SSH2: variants seen among roughly 807,000 people sequenced by gnomAD.
SSH2 encodes the protein protein phosphatase Slingshot homolog 2.
A neutral mutation model predicts 135.2 loss-of-function variants in SSH2; 37 were observed. That is an observed-to-expected ratio of 0.27 (90% CI 0.21 to 0.36). The LOEUF is 0.36. Ranked by LOEUF, SSH2 falls within the 10% of genes least tolerant of loss-of-function variation. The probability of loss-of-function intolerance (pLI) is 1.00; values close to 1 mark genes in which losing one functional copy is unlikely to be tolerated. For synonymous variants in SSH2, 628 were observed against 646.2 expected, an observed-to-expected ratio of 0.97 and a Z score of 0.43; for missense variants, 1,408 against 1,765.3, an observed-to-expected ratio of 0.80 and a Z score of 3.63.
chr17:29,921,975 G>A (rs1440606109), intron 1 of SSH2, among the ~76,000 whole-genome samples: 1 of 152,170 alleles, frequency 6.6e-6, no homozygotes. Flanking sequence ...GCCACCATGG[G>A]TAAGTATAGG....
In SSH2 at chr17:29,631,713, G is replaced by A. The variant is rs892449259; in HGVS notation, c.3481C>T (p.Pro1161Ser). The A allele has an allele frequency of 1.2e-6, 2 of 1,614,188 alleles. No individual in the cohort carries two copies. The highest frequency in any genetic ancestry group is 1.7e-6 in the Non-Finnish European group (2 of 1,180,042). The change falls in exon 16 of 16, where the codon CCC becomes TCC. Residue 1161 changes from proline (P) to serine (S), a missense_variant. Coordinates refer to ENST00000540801, the MANE Select transcript of SSH2 (RefSeq NM_001282129.2). ...LLSASLDYLH[P>S]QTMVHLEGFT... ...CCCTCCAGGTGAACCATAGTCTGGG[G>A]ATGCAGGTAATCCAAACTGGCAGAC...
intron 3 of SSH2, among the ~76,000 whole-genome samples, chr17:29,788,562 T>C (rs2042009011): frequency 6.6e-6 from 1 of 152,028 alleles, no homozygotes; most frequent in African/African-American, 2.4e-5. Context: ...ATCAATTTCT[T>C]TCTTTTCTTT....
rs764841627 is a variant in SSH2, at chr17:29,636,744, G to C, written c.1486C>G (p.His496Asp). 1.2e-6 allele frequency: 2 copies of C among 1,614,064 alleles called. No individual in the cohort carries two copies. The change falls in exon 15 of 16, where the codon CAC becomes GAC. Residue 496 changes from histidine (H) to aspartate (D), a missense_variant. This residue lies in a region of SSH2 where 1,080 missense variants were observed against 1,144.5 expected (regional missense o/e 0.94). Coordinates refer to ENST00000540801, the MANE Select transcript of SSH2 (RefSeq NM_001282129.2). ...SHSDSDLSDHHEPICKPGLEL... is the reference protein window; with the variant it reads ...SHSDSDLSDHDEPICKPGLEL... ...AGCCCAGGTTTGCAGATGGGTTCGT[G>C]GTGGTCTGAGAGGTCACTATCTGAA... is the stretch of plus-strand genomic sequence containing the variant.
chr17:29,715,633 G>A (rs917980472), intron 3 of SSH2, among the ~76,000 whole-genome samples: 1 of 152,078 alleles, frequency 6.6e-6, no homozygotes, highest in Admixed American at 6.6e-5. Context: ...AAAATGGTAT[G>A]GTTATTTGAT....
chr17:29,750,258 C>A (rs570697469), intron 3 of SSH2, among the ~76,000 whole-genome samples: 13 of 150,666 alleles, frequency 8.6e-5, no homozygotes, highest in Non-Finnish European at 1.6e-4. Context: ...GCCAACATGG[C>A]GAAACCCCAT....
chr17:29,709,687 T>C (rs976804340), intron 3 of SSH2, among the ~76,000 whole-genome samples: 1 of 151,664 alleles, frequency 6.6e-6, no homozygotes, highest in African/African-American at 2.4e-5. Context: ...AAAAAAAAAA[T>C]GTAGAGTACA....
intron 3 of SSH2, among the ~76,000 whole-genome samples, chr17:29,719,751 C>CTT (rs1250844042): frequency 1.3e-5 from 2 of 152,140 alleles, no homozygotes; most frequent in African/African-American, 4.8e-5. Context: ...AAAATGTAGG[C>CTT]TTCTTTTCTT....
At chr17:29,702,788 C>T (rs1330802903) in intron 4 of SSH2, among the ~76,000 whole-genome samples, 171 bp downstream of exon 4, 7 of 152,048 alleles carry the variant, frequency 4.6e-5, no homozygotes, top group African/African-American at 9.7e-5. Context: ...AGGCTTTTTG[C>T]GAAGCGCTAA....
intron 2 of SSH2, among the ~76,000 whole-genome samples, chr17:29,847,184 T>C (rs1385225812): frequency 6.6e-6 from 1 of 152,166 alleles, no homozygotes; most frequent in African/African-American, 2.4e-5. Context: ...CAGTCTCCTA[T>C]GGGTATAACA....
chr17:29,738,681 G>A (rs1332129043), intron 3 of SSH2, among the ~76,000 whole-genome samples: 1 of 151,778 alleles, frequency 6.6e-6, no homozygotes, highest in Non-Finnish European at 1.5e-5. Flanking sequence ...AGCCTCCCAA[G>A]TAGCTGGGAC....
chr17:29,713,364 A>G (rs762967078), intron 3 of SSH2, among the ~76,000 whole-genome samples: 4 of 152,146 alleles, frequency 2.6e-5, no homozygotes, highest in Non-Finnish European at 5.9e-5. Flanking sequence ...AACCCCCCCA[A>G]AGAAAACGCC....
intron 11 of SSH2, among the ~76,000 whole-genome samples, chr17:29,658,867 C>CAAAAAAA (rs541052752): frequency 9.0e-5 from 3 of 33,408 alleles, no homozygotes; most frequent in Non-Finnish European, 1.3e-4. Context: ...AACTCCGTCT[C>CAAAAAAA]AAAAAAAAAA....
Position 29,930,213 on chromosome 17 carries a change from A to C in SSH2, c.-213T>G, listed in dbSNP as rs1032891475. 4 of 554,052 alleles carry C rather than the reference A, an allele frequency of 7.2e-6. No individual in the cohort carries two copies. The highest frequency in any genetic ancestry group is 1.3e-5 in the Non-Finnish European group (4 of 313,594). 34.3% of individuals were successfully genotyped at this position (554,052 alleles called of 1,614,324 possible). A position where few individuals can be genotyped will look rare whatever the true frequency, so the allele number is the denominator to read the frequency against. ...ACGGGCGGCGGGCGGGCGGTTCCGC[A>C]GCTGCGGGGCACAATGAGCGCTCCC... On this transcript the variant is annotated 5_prime_UTR_variant, in exon 1 of 16. Transcript: ENST00000540801.
intron 5 of SSH2, among the ~76,000 whole-genome samples, 189 bp from the exon 6 acceptor site, chr17:29,684,873 G>A (rs2038146023): frequency 6.6e-6 from 1 of 152,204 alleles, no homozygotes; most frequent in Non-Finnish European, 1.5e-5. Context: ...AAATTAATTG[G>A]AGGGAGATAT....
Position 29,636,275 on chromosome 17 carries a change from A to G in SSH2, c.1955T>C (p.Met652Thr), listed in dbSNP as rs1354814601. ...ELTSPLKDPPMSPDPESPSPQ... is the reference protein window; with the variant it reads ...ELTSPLKDPPTSPDPESPSPQ... ...GCTTGGTGACTCAGGATCAGGGGAC[A>G]TGGGGGGGTCTTTCAGTGGAGATGT... The change falls in exon 15 of 16, where the codon ATG becomes ACG. Residue 652 changes from methionine (M) to threonine (T), a missense_variant. Transcript: ENST00000540801. 5 of 1,613,822 alleles carry G rather than the reference A, an allele frequency of 3.1e-6. No individual in the cohort carries two copies. Among genetic ancestry groups the G allele is most frequent in the African/African-American group, 1.3e-5 (1 of 74,860 alleles).
In SSH2 at chr17:29,676,805, T is replaced by C. The variant is rs752195953; in HGVS notation, c.614+15A>G. 3.1e-6 allele frequency: 5 copies of C among 1,603,832 alleles called. No homozygotes were observed. In the East Asian group the frequency reaches 8.9e-5, roughly 29 times the overall value. Reference sequence around the variant, plus strand: ...CATTAAAACACTTTTGTAGAGATAGTAAAAGTCATCTTACCACATTGCCTG... The same window carrying C: ...CATTAAAACACTTTTGTAGAGATAGCAAAAGTCATCTTACCACATTGCCTG... On this transcript the variant is annotated intron_variant, in intron 8 of 15. Transcript: ENST00000540801.
At chr17:29,796,698 C>A (rs1777610994) in intron 2 of SSH2, among the ~76,000 whole-genome samples, 1 of 152,110 alleles carries the variant, frequency 6.6e-6, no homozygotes, top group Non-Finnish European at 1.5e-5. Flanking sequence ...TCCATCTATC[C>A]ATCTTATTTT....
At chr17:29,917,440 GTT>G (rs894801556) in intron 1 of SSH2, among the ~76,000 whole-genome samples, 4 of 152,090 alleles carry the variant, frequency 2.6e-5, no homozygotes, top group African/African-American at 9.7e-5. Flanking sequence ...AACATGCTTA[GTT>G]TATAGCTGCC....
chr17:29,769,766 T>C (rs1424082923), intron 3 of SSH2, among the ~76,000 whole-genome samples: 2 of 152,194 alleles, frequency 1.3e-5, no homozygotes, highest in Non-Finnish European at 2.9e-5. Context: ...ACGTGTCCAA[T>C]TCATCCTACA....
Sources: gnomAD v4.1 joint callset for allele counts (sites outside exome capture counted in the v4.1 genomes callset) on GRCh38, gnomAD v4.1.1 for gene constraint, gnomAD v4.1.1 regional missense constraint, MANE v1.5 for transcripts, NCBI Gene and HGNC (gene_info 2026-07-23, HGNC 2026-07-21) for gene names.